ARRB1: variants seen among roughly 807,000 people sequenced by gnomAD.
ARRB1 encodes the protein arrestin beta 1, also known as beta-arrestin-1.
A neutral mutation model predicts 56.8 loss-of-function variants in ARRB1; 21 were observed. The observed-to-expected ratio is 0.37, with a 90% CI of 0.26 to 0.53. The LOEUF (loss-of-function observed/expected upper bound fraction) is 0.53, where lower values mean the gene tolerates loss of function less well. Among genes scored for constraint, ARRB1 ranks in the 20% least tolerant of loss-of-function variants. The pLI, the probability that ARRB1 is intolerant of heterozygous loss-of-function variation, is 0.88. For missense variants in ARRB1, 424 were observed against 553.7 expected, an observed-to-expected ratio of 0.77 and a Z score of 2.35; for synonymous variants, 210 against 218.6, an observed-to-expected ratio of 0.96 and a Z score of 0.35.
chr11:75,313,765 G>A (rs1947212747), intron 1 of ARRB1, among the ~76,000 whole-genome samples: 3 of 152,290 alleles, frequency 2.0e-5, no homozygotes, highest in South Asian at 4.1e-4. Flanking sequence ...TTACTGGTAA[G>A]GAAAATTGGT....
At chr11:75,326,891 G>A (rs1455962081) in intron 1 of ARRB1, among the ~76,000 whole-genome samples, 1 of 151,720 alleles carries the variant, frequency 6.6e-6, no homozygotes, top group Non-Finnish European at 1.5e-5. Context: ...ATTTTTAGTA[G>A]AGATAGAGTT....
At chr11:75,310,189 T>C (rs774322860) in intron 1 of ARRB1, among the ~76,000 whole-genome samples, 3 of 152,220 alleles carry the variant, frequency 2.0e-5, no homozygotes, top group Non-Finnish European at 2.9e-5. Flanking sequence ...ATTTAATGGC[T>C]ATGTTTGGAC....
At chr11:75,281,722 A>G in intron 6 of ARRB1, 1 of 535,884 alleles carries the variant, frequency 1.9e-6, no homozygotes. Flanking sequence ...GTTGCAGCCA[A>G]CGCCACCCAG....
chr11:75,301,610 G>A (rs1052572799), intron 1 of ARRB1, among the ~76,000 whole-genome samples: 2 of 152,184 alleles, frequency 1.3e-5, no homozygotes, highest in African/African-American at 4.8e-5. Flanking sequence ...GGGTAGGGTG[G>A]GGAGACGCAA....
chr11:75,267,069 G>A (rs1484189711), intron 15 of ARRB1, among the ~76,000 whole-genome samples: 1 of 152,160 alleles, frequency 6.6e-6, no homozygotes, highest in Non-Finnish European at 1.5e-5. Context: ...GGGGTGACCT[G>A]AGACCCCCAC....
chr11:75,331,596 C>T (rs557329071), intron 1 of ARRB1, among the ~76,000 whole-genome samples: 1 of 151,996 alleles, frequency 6.6e-6, no homozygotes, highest in Non-Finnish European at 1.5e-5. Context: ...TTGTGACCCC[C>T]ACCCCTGCCC....
At chr11:75,269,262 A>G (rs1437321832) in intron 13 of ARRB1, 6 of 597,332 alleles carry the variant, frequency 1.0e-5, no homozygotes, top group Non-Finnish European at 1.9e-5. Context: ...GGCAGCATGC[A>G]CCGTGGTCAC....
Position 75,264,428 on chromosome 11 carries a change from C to T in ARRB1, c.*1735G>A, listed in dbSNP as rs1321117279. ...TGGGTAAACCTCAGGGTGTCTGTGC[C>T]CACAGGGGGCTGTGAGGTACTGCAA... On this transcript the variant is annotated 3_prime_UTR_variant, in exon 16 of 16. Transcript: ENST00000420843. The T allele has an allele frequency of 6.6e-6, 1 of 152,208 alleles. No individual in the cohort carries two copies. The highest frequency in any genetic ancestry group is 1.5e-5 in the Non-Finnish European group (1 of 68,068). 9.4% of individuals were successfully genotyped at this position (152,208 alleles called of 1,614,324 possible). A position where few individuals can be genotyped will look rare whatever the true frequency, so the allele number is the denominator to read the frequency against.
intron 1 of ARRB1, among the ~76,000 whole-genome samples, chr11:75,335,418 G>C (rs972753491): frequency 6.6e-6 from 1 of 152,070 alleles, no homozygotes; most frequent in Admixed American, 6.6e-5. Flanking sequence ...AACCACATCT[G>C]TACAAAAAAT....
intron 1 of ARRB1, chr11:75,306,674 C>A (rs1188440897): frequency 7.8e-7 from 1 of 1,286,076 alleles, no homozygotes. Context: ...GCAGCAGCAG[C>A]CAGGCCAGGG....
At chr11:75,334,200 T>A (rs1000124370) in intron 1 of ARRB1, among the ~76,000 whole-genome samples, 5 of 151,298 alleles carry the variant, frequency 3.3e-5, no homozygotes, top group African/African-American at 1.2e-4. Context: ...CGTGGTGGCA[T>A]GTGCCTATTA....
chr11:75,293,415 C>T (rs925167937), intron 1 of ARRB1, among the ~76,000 whole-genome samples: 4 of 152,168 alleles, frequency 2.6e-5, no homozygotes, highest in African/African-American at 9.6e-5. Context: ...CTTCCTGACC[C>T]TAACACTATC....
intron 1 of ARRB1, among the ~76,000 whole-genome samples, chr11:75,310,356 C>T (rs1000864808): frequency 6.6e-6 from 1 of 152,074 alleles, no homozygotes; most frequent in African/African-American, 2.4e-5. Context: ...CTGGGAACAC[C>T]AAGGGGAACA....
intron 15 of ARRB1, 130 bp from the exon 16 acceptor site, chr11:75,266,404 C>G: frequency 2.8e-6 from 2 of 718,594 alleles, no homozygotes; most frequent in South Asian, 1.7e-5. Flanking sequence ...TCTGAGGTCT[C>G]TGGCCTCTGG....
At chr11:75,320,051 C>T (rs1947322671) in intron 1 of ARRB1, among the ~76,000 whole-genome samples, 1 of 152,192 alleles carries the variant, frequency 6.6e-6, no homozygotes, top group Admixed American at 6.5e-5. Flanking sequence ...AAGTCCCCCC[C>T]AGAGCAGGAG....
chr11:75,344,097 A>G (rs1228750461), intron 1 of ARRB1, among the ~76,000 whole-genome samples: 3 of 152,184 alleles, frequency 2.0e-5, no homozygotes, highest in African/African-American at 4.8e-5. Context: ...GATTACAGGC[A>G]TGAGCCACTG....
intron 14 of ARRB1, among the ~76,000 whole-genome samples, chr11:75,268,269 T>C (rs945370178): frequency 6.6e-5 from 10 of 151,520 alleles, no homozygotes; most frequent in African/African-American, 9.7e-5. Flanking sequence ...CTTTGGGAGG[T>C]TGAGGCGGGA....
intron 1 of ARRB1, among the ~76,000 whole-genome samples, chr11:75,320,086 C>T (rs1320626349): frequency 6.6e-6 from 1 of 152,176 alleles, no homozygotes; most frequent in African/African-American, 2.4e-5. Context: ...GTCCTGCAGC[C>T]TCTTCTCCCA....
At chr11:75,329,686 A>G (rs1469477170) in intron 1 of ARRB1, among the ~76,000 whole-genome samples, 1 of 152,128 alleles carries the variant, frequency 6.6e-6, no homozygotes, top group Non-Finnish European at 1.5e-5. Flanking sequence ...CCATGTGGGG[A>G]CGAACAGTCA....
Sources: gnomAD v4.1 joint callset for allele counts (sites outside exome capture counted in the v4.1 genomes callset) on GRCh38, gnomAD v4.1.1 for gene constraint, MANE v1.5 for transcripts, NCBI Gene and HGNC (gene_info 2026-07-23, HGNC 2026-07-21) for gene names.